Variants in POTEC observed in about 807,000 individuals in gnomAD.
The protein encoded by POTEC is POTE ankyrin domain family member C, also known as ANKRD26-like family B member 2.
In POTEC, 35 loss-of-function variants were observed where a neutral mutation model predicts 62.0. That is an observed-to-expected ratio of 0.56 (90% confidence interval 0.43 to 0.75). POTEC has a LOEUF of 0.75. POTEC is among the 30% of genes least tolerant of loss of function. The pLI, the probability that POTEC is intolerant of heterozygous loss-of-function variation, is 0.00. For synonymous variants in POTEC, 156 were observed against 221.5 expected, an observed-to-expected ratio of 0.70 and a Z score of 2.62; for missense variants, 472 against 655.9, an observed-to-expected ratio of 0.72 and a Z score of 3.06.
At position 14,533,103 on chromosome 18, in the gene POTEC, C is replaced by T. The variant is rs763083278; in HGVS notation, c.1013G>A (p.Gly338Glu). ...NVDVSSQDLS[G>E]QTAREYAVSS... ...AACAGCATACTCTCTGGCCGTCTGT[C>T]CAGATAGATCTTGAGAAGATACATC... The change falls in exon 5 of 11, where the codon GGA becomes GAA. Residue 338 changes from glycine to glutamate, a missense_variant. Physicochemically the swap from Gly to Glu is moderately conservative, Grantham distance 98. Transcript: ENST00000358970. 1.9e-6 allele frequency: 3 copies of T among 1,611,156 alleles called. No individual in the cohort carries two copies. The highest frequency in any genetic ancestry group is 2.5e-6 in the Non-Finnish European group (3 of 1,179,488).
chr18:14,520,663 G>T (rs949947233), intron 9 of POTEC, among the ~76,000 whole-genome samples: 4 of 151,442 alleles, frequency 2.6e-5, no homozygotes, highest in Admixed American at 1.3e-4. Context: ...CACATGCAGG[G>T]CACTTTTACA....
At chr18:14,517,245 A>G (rs1457656943) in intron 9 of POTEC, among the ~76,000 whole-genome samples, 1 of 152,182 alleles carries the variant, frequency 6.6e-6, no homozygotes, top group Non-Finnish European at 1.5e-5. Context: ...TTTTCAGTTA[A>G]AGTTGACTCT....
At chr18:14,538,109 C>A in intron 2 of POTEC, 26 bp downstream of exon 2, 4 of 1,534,814 alleles carry the variant, frequency 2.6e-6, no homozygotes, top group Non-Finnish European at 3.5e-6. Context: ...ACCCATCTCA[C>A]GCTGATATAG....
intron 9 of POTEC, among the ~76,000 whole-genome samples, chr18:14,517,604 G>A (rs1910199378): frequency 6.6e-6 from 1 of 151,322 alleles, no homozygotes; most frequent in African/African-American, 2.4e-5. Context: ...GCTCATGCCT[G>A]TAATCCCAGC....
At chr18:14,530,635 T>C in intron 5 of POTEC, 82 bp from the exon 6 acceptor site, 1 of 1,066,274 alleles carries the variant, frequency 9.4e-7, no homozygotes. Flanking sequence ...ATTCTTAGAG[T>C]ATTTCAAACA....
At chr18:14,539,136 T>A (rs1379054051) in intron 1 of POTEC, among the ~76,000 whole-genome samples, 1 of 152,152 alleles carries the variant, frequency 6.6e-6, no homozygotes, top group Non-Finnish European at 1.5e-5. Context: ...ATGAATAGCA[T>A]GGGCTCATTT....
intron 4 of POTEC, among the ~76,000 whole-genome samples, chr18:14,533,632 A>C (rs570037825): frequency 1.0e-3 from 158 of 152,306 alleles, no homozygotes; most frequent in African/African-American, 3.7e-3. Context: ...AATGGTAAGA[A>C]TAGTAGTCAC....
At position 14,543,362 on chromosome 18, in the gene POTEC, C is replaced by T. The variant is rs1906030852; in HGVS notation, c.-216G>A. 1 of 785,068 alleles carries T rather than the reference C, an allele frequency of 1.3e-6. No homozygotes were observed. Among genetic ancestry groups the T allele is most frequent in the African/African-American group, 1.8e-5 (1 of 55,432 alleles). The allele number at this position is 785,068 out of a possible 1,614,324, so 48.6% of individuals were successfully genotyped here. On this transcript the variant is annotated 5_prime_UTR_variant, in exon 1 of 11. Coordinates refer to ENST00000358970, the MANE Select transcript of POTEC (RefSeq NM_001137671.2). The stretch of plus-strand genomic sequence containing the variant: ...AAAGCCCACGCCCACCAGGGGGACC[C>T]AACGCCCACCCCAGGAAAGGCCAAG...
Position 14,542,506 on chromosome 18 carries a change from C to T in POTEC, c.521+120G>A, listed in dbSNP as rs540116169. 193 of 1,505,566 alleles carry T rather than the reference C, an allele frequency of 1.3e-4. No homozygotes were observed. In the South Asian group the frequency reaches 2.3e-3, roughly 18 times the overall value. The allele number at this position is 1,505,566 out of a possible 1,614,324, so 93.3% of individuals were successfully genotyped here. A position where few individuals can be genotyped will look rare whatever the true frequency, so the allele number is the denominator to read the frequency against. On this transcript the variant is annotated intron_variant, in intron 1 of 10. Transcript: ENST00000358970. Reference sequence around the variant, plus strand: ...CCCTGACCTCTCTGAGGTTTCCACACCCAGGGTGGTGTGGGGCCTGCGGAG... The same window carrying T: ...CCCTGACCTCTCTGAGGTTTCCACATCCAGGGTGGTGTGGGGCCTGCGGAG...
At chr18:14,532,497 G>A (rs1330005316) in intron 5 of POTEC, among the ~76,000 whole-genome samples, 1 of 152,044 alleles carries the variant, frequency 6.6e-6, no homozygotes, top group Non-Finnish European at 1.5e-5. Context: ...TGGTGTCAAA[G>A]GTCAACAATT....
chr18:14,542,784 T>C lies in POTEC; in HGVS notation c.363A>G (p.Gly121=). 2 of 1,613,742 alleles carry C rather than the reference T, an allele frequency of 1.2e-6. No individual in the cohort carries two copies. The highest frequency in any genetic ancestry group is 1.7e-6 in the Non-Finnish European group (2 of 1,179,848). Residue 121 remains glycine, a synonymous_variant, in exon 1 of 11, where the codon GGA becomes GGG. Coordinates refer to ENST00000358970, the MANE Select transcript of POTEC (RefSeq NM_001137671.2). The part of the protein sequence containing the change: ...GSGKSNVGAW[G]DYDDSAFMEP... ...CCATGAAGGCGCTGTCGTCGTAGTC[T>C]CCCCAAGCGCCCACGTTGCTCTTGC... is the stretch of plus-strand genomic sequence containing the variant.
rs564612058 is a variant in POTEC, at chr18:14,543,393, C to T, written c.-247G>A. ...CCACCCCAGGAAAGGCCAAGCCCCC[C>T]CTCCCAAGGAAACACCCAGCCCAGT... On this transcript the variant is annotated 5_prime_UTR_variant, in exon 1 of 11. Coordinates refer to ENST00000358970, the MANE Select transcript of POTEC (RefSeq NM_001137671.2). The T allele has an allele frequency of 3.1e-6, 2 of 646,652 alleles. No individual in the cohort carries two copies. Among genetic ancestry groups the T allele is most frequent in the East Asian group, 2.8e-5 (1 of 35,372 alleles). 40.1% of individuals were successfully genotyped at this position (646,652 alleles called of 1,614,324 possible). A position where few individuals can be genotyped will look rare whatever the true frequency, so the allele number is the denominator to read the frequency against.
At position 14,530,074 on chromosome 18, in the gene POTEC, C is replaced by T. The variant is rs1472052159; in HGVS notation, c.1126+409G>A. ...CCCATGGCTCATATTACCGCCTGAA[C>T]TCTGCCTCCAGTCAGATCAGTGATA... On this transcript the variant is annotated intron_variant, in intron 6 of 10. Coordinates refer to ENST00000358970, the MANE Select transcript of POTEC (RefSeq NM_001137671.2). Among the ~76,000 whole-genome samples the T allele has an allele frequency of 4.0e-5, 6 of 151,864 alleles. No homozygotes were observed. In the East Asian group the frequency reaches 1.2e-3, roughly 29 times the overall value.
At chr18:14,512,929 G>A (rs1412352766) in intron 10 of POTEC, among the ~76,000 whole-genome samples, 5 of 152,122 alleles carry the variant, frequency 3.3e-5, no homozygotes, top group African/African-American at 1.2e-4. Context: ...AAATACAAAT[G>A]GTAAATAAGA....
intron 3 of POTEC, among the ~76,000 whole-genome samples, chr18:14,536,674 T>C (rs1353808158): frequency 2.0e-5 from 3 of 152,152 alleles, no homozygotes; most frequent in Admixed American, 2.0e-4. Context: ...TGGAAGCTAG[T>C]GCAATAGACA....
intron 1 of POTEC, among the ~76,000 whole-genome samples, chr18:14,542,244 G>A (rs1222355743): frequency 2.0e-5 from 3 of 152,118 alleles, no homozygotes; most frequent in African/African-American, 7.2e-5. Flanking sequence ...GATTTTATTT[G>A]AAAAATATTT....
chr18:14,509,569 G>T lies in POTEC; in HGVS notation c.*2329C>A, dbSNP rs997180502. 6.6e-6 allele frequency: 1 copy of T among 152,256 alleles called. No individual in the cohort carries two copies. The highest frequency in any genetic ancestry group is 2.4e-5 in the African/African-American group (1 of 41,446). The allele number at this position is 152,256 out of a possible 1,614,324, so 9.4% of individuals were successfully genotyped here. On this transcript the variant is annotated 3_prime_UTR_variant, in exon 11 of 11. Transcript: ENST00000358970. ...ATATAAAGGGCTGCAGTATGGAATG[G>T]TAATGTGCAGGCTAGTGCGTGGCTG...
At chr18:14,513,947 T>C (rs1567909511) in intron 9 of POTEC, among the ~76,000 whole-genome samples, 162 bp from the exon 10 acceptor site, 1 of 152,210 alleles carries the variant, frequency 6.6e-6, no homozygotes, top group Non-Finnish European at 1.5e-5. Context: ...CTCCCAGTCA[T>C]GTTGGCACCA....
intron 9 of POTEC, among the ~76,000 whole-genome samples, chr18:14,520,337 T>C (rs1162831429): frequency 6.6e-6 from 1 of 151,014 alleles, no homozygotes; most frequent in Non-Finnish European, 1.5e-5. Context: ...GCCTTGACCA[T>C]TTCTAGATTA....
Sources: allele counts gnomAD v4.1 joint callset (sites outside exome capture counted in the v4.1 genomes callset), GRCh38; gene constraint gnomAD v4.1.1; transcripts MANE v1.5; gene names NCBI Gene and HGNC (gene_info 2026-07-23, HGNC 2026-07-21).